Variants in ZBTB37 observed in about 807,000 individuals in gnomAD.
ZBTB37 encodes zinc finger and BTB domain-containing protein 37.
ZBTB37 carries 15 observed loss-of-function variants against 37.7 expected under a neutral mutation model. The observed-to-expected ratio is 0.40, with a 90% CI of 0.27 to 0.61. ZBTB37 has a LOEUF of 0.61. Ranked by LOEUF, ZBTB37 falls within the 20% of genes least tolerant of loss-of-function variation. The pLI is 0.44. For synonymous variants in ZBTB37, 231 were observed against 220.6 expected, an observed-to-expected ratio of 1.05 and a Z score of -0.42; for missense variants, 514 against 641.9, an observed-to-expected ratio of 0.80 and a Z score of 2.15.
chr1:173,870,989 G>C, exon 3 of ZBTB37: 2 of 1,614,218 alleles, frequency 1.2e-6, no homozygotes, highest in Non-Finnish European at 8.5e-7. Flanking sequence ...GAGTGGCTTG[G>C]GCCTGAGAAT....
chr1:173,900,902 G>C (rs1657228951), exon 4 of ZBTB37: 1 of 152,210 alleles, frequency 6.6e-6, no homozygotes, highest in African/African-American at 2.4e-5. Flanking sequence ...GAAGAACCTT[G>C]TGGAGTACTG....
exon 4 of ZBTB37, chr1:173,900,549 G>A (rs1253607387): frequency 1.3e-5 from 2 of 152,182 alleles, no homozygotes; most frequent in Admixed American, 1.3e-4. Flanking sequence ...AAATGTAGCA[G>A]GCTCTCTTCT....
At chr1:173,879,309 C>G (rs1047039695) in intron 4 of ZBTB37, among the ~76,000 whole-genome samples, 2 of 151,996 alleles carry the variant, frequency 1.3e-5, no homozygotes, top group African/African-American at 4.8e-5. Context: ...TGGGGGTTTC[C>G]TAGCTTCTTC....
chr1:173,898,382 A>C lies in ZBTB37; in HGVS notation c.*12258A>C, dbSNP rs1476513367. The C allele has an allele frequency of 2.0e-5, 3 of 149,418 alleles. No individual in the cohort carries two copies. In the Admixed American group the frequency reaches 2.0e-4, roughly 10 times the overall value. 9.3% of individuals were successfully genotyped at this position (149,418 alleles called of 1,614,324 possible). A position where few individuals can be genotyped will look rare whatever the true frequency, so the allele number is the denominator to read the frequency against. On this transcript the variant is annotated 3_prime_UTR_variant, in exon 4 of 4. Transcript: ENST00000367701. ...AGGCTGAGGCAGGAGAATCGCTTGA[A>C]CTCGGGAGGTGGAAATTGCAGTGAG...
chr1:173,901,782 C>G (rs1002788072), exon 4 of ZBTB37: 1 of 152,174 alleles, frequency 6.6e-6, no homozygotes, highest in Non-Finnish European at 1.5e-5. Context: ...GAATGGGACC[C>G]GCTCTGCTCT....
intron 3 of ZBTB37, among the ~76,000 whole-genome samples, chr1:173,872,191 C>T (rs1057093472): frequency 2.0e-5 from 3 of 152,074 alleles, no homozygotes; most frequent in Non-Finnish European, 4.4e-5. Context: ...GCCTCAGCCT[C>T]CCGAGTAGCT....
chr1:173,899,290 T>G (rs899029003), exon 4 of ZBTB37: 4 of 152,216 alleles, frequency 2.6e-5, no homozygotes. Flanking sequence ...AAATTTTTCC[T>G]TCTGGCTTAT....
chr1:173,888,132 C>A (rs180713259), downstream of ZBTB37: 11 of 152,272 alleles, frequency 7.2e-5, no homozygotes, highest in African/African-American at 2.6e-4. Context: ...GGTGCATCCT[C>A]CGCTTTAGTT....
intron 4 of ZBTB37, among the ~76,000 whole-genome samples, chr1:173,882,498 C>G (rs1451979831): frequency 6.6e-6 from 1 of 152,064 alleles, no homozygotes; most frequent in East Asian, 1.9e-4. Context: ...CCTCGGCCTC[C>G]CAAAGTGCTA....
At chr1:173,888,086 A>G (rs531342753), downstream of ZBTB37, 1 of 152,366 alleles carries the variant, frequency 6.6e-6, no homozygotes. Context: ...TAAAGGCAGC[A>G]TTGAAACTGT....
At chr1:173,891,038 C>G (rs1328499470), downstream of ZBTB37, 2 of 152,130 alleles carry the variant, frequency 1.3e-5, no homozygotes, top group African/African-American at 4.8e-5. Context: ...TTTCTAGATC[C>G]TCTTATCATA....
At chr1:173,883,993 T>A (rs562934719) in intron 4 of ZBTB37, among the ~76,000 whole-genome samples, 1 of 152,364 alleles carries the variant, frequency 6.6e-6, no homozygotes, top group East Asian at 1.9e-4. Flanking sequence ...CTTTATTCTT[T>A]GTTAAACATA....
At chr1:173,888,743 CTTTG>C (rs1656728665), downstream of ZBTB37, 1 of 152,136 alleles carries the variant, frequency 6.6e-6, no homozygotes, top group Admixed American at 6.5e-5. Flanking sequence ...AGAAAGAATT[CTTTG>C]TTGCTTTGTT....
At chr1:173,886,111 C>T in exon 5 of ZBTB37, 1 of 1,550,430 alleles carries the variant, frequency 6.4e-7, no homozygotes, top group Non-Finnish European at 8.7e-7. Context: ...GTGTCCACCA[C>T]TGGGCCAGAC....
chr1:173,875,080 G>A (rs1655857369), intron 4 of ZBTB37, among the ~76,000 whole-genome samples: 1 of 149,944 alleles, frequency 6.7e-6, no homozygotes, highest in Admixed American at 6.7e-5. Context: ...GTAATTTGCA[G>A]GTAATTTAGG....
intron 4 of ZBTB37, among the ~76,000 whole-genome samples, chr1:173,882,324 C>A (rs1373195913): frequency 2.1e-5 from 3 of 145,542 alleles, no homozygotes; most frequent in African/African-American, 7.7e-5. Flanking sequence ...TCACTGCAAG[C>A]TCTGCCTCCC....
At chr1:173,874,651 A>G (rs1287927789) in intron 4 of ZBTB37, among the ~76,000 whole-genome samples, 1 of 152,084 alleles carries the variant, frequency 6.6e-6, no homozygotes, top group African/African-American at 2.4e-5. Flanking sequence ...GCACCCAGCC[A>G]CTGCACCCAG....
At chr1:173,877,140 T>C (rs1001770509) in intron 4 of ZBTB37, among the ~76,000 whole-genome samples, 4 of 152,156 alleles carry the variant, frequency 2.6e-5, no homozygotes, top group Admixed American at 2.0e-4. Context: ...CGGTTACATA[T>C]GTGGTCCATC....
exon 3 of ZBTB37, chr1:173,870,848 G>A (rs762752895): frequency 3.1e-6 from 5 of 1,614,198 alleles, no homozygotes; most frequent in East Asian, 2.2e-5. Flanking sequence ...GTAGAGAGCC[G>A]GGAGCCCATT....
Sources: allele counts gnomAD v4.1 joint callset (sites outside exome capture counted in the v4.1 genomes callset), GRCh38; gene constraint gnomAD v4.1.1; transcripts MANE v1.5; gene names NCBI Gene and HGNC (gene_info 2026-07-23, HGNC 2026-07-21).